The following SOX6 variants were observed in gnomAD, a reference collection of about 807,000 sequenced individuals.
SOX6 encodes transcription factor SOX-6.
SOX6 carries 11 observed loss-of-function variants against 97.8 expected under a neutral mutation model. The ratio of observed to expected loss-of-function variants is 0.11; its 90% CI spans 0.07 to 0.19. SOX6 has a LOEUF of 0.19. Among genes scored for constraint, SOX6 ranks in the 10% least tolerant of loss-of-function variants. The pLI is 1.00. For missense variants in SOX6, 810 were observed against 1,039.5 expected (o/e 0.78, Z 3.04); for synonymous variants, 360 against 371.4 (o/e 0.97, Z 0.35).
At chr11:16,637,672 T>G (rs940849062) in intron 3 of SOX6, among the ~76,000 whole-genome samples, 1 of 152,206 alleles carries the variant, frequency 6.6e-6, no homozygotes. Context: ...TAAGATGCCT[T>G]ATTTCCTTCT....
intron 13 of SOX6, among the ~76,000 whole-genome samples, chr11:15,996,226 AG>A (rs1216289214): frequency 1.3e-5 from 2 of 152,250 alleles, no homozygotes; most frequent in Non-Finnish European, 2.9e-5. Context: ...GGGTATAAAT[AG>A]AATTAGATTG....
intron 9 of SOX6, among the ~76,000 whole-genome samples, chr11:16,070,748 T>C (rs1331251888): frequency 2.6e-5 from 4 of 151,604 alleles, no homozygotes; most frequent in African/African-American, 4.8e-5. Context: ...AGAACTTCTC[T>C]AACATGGGAA....
At chr11:16,136,028 A>T (rs1189570060) in intron 6 of SOX6, among the ~76,000 whole-genome samples, 2 of 150,944 alleles carry the variant, frequency 1.3e-5, no homozygotes, top group African/African-American at 4.9e-5. Flanking sequence ...GATCATTAGC[A>T]TTTTTTTTTG....
intron 12 of SOX6, among the ~76,000 whole-genome samples, chr11:16,039,662 T>C (rs915044328): frequency 2.6e-5 from 4 of 152,038 alleles, no homozygotes; most frequent in Non-Finnish European, 5.9e-5. Flanking sequence ...ATTAAAGAGA[T>C]TCATGAAAAT....
At chr11:16,547,715 T>C (rs999309736) in intron 4 of SOX6, among the ~76,000 whole-genome samples, 2 of 152,134 alleles carry the variant, frequency 1.3e-5, no homozygotes, top group Admixed American at 6.6e-5. Context: ...TAATGTTTGA[T>C]AGCAAAGTAG....
intron 1 of SOX6, among the ~76,000 whole-genome samples, chr11:16,363,005 A>C (rs1440331765): frequency 6.6e-6 from 1 of 152,182 alleles, no homozygotes; most frequent in African/African-American, 2.4e-5. Flanking sequence ...TTCTTCTTTC[A>C]TTAATTCATT....
chr11:16,729,076 C>T (rs895129449), intron 2 of SOX6, among the ~76,000 whole-genome samples: 2 of 152,048 alleles, frequency 1.3e-5, no homozygotes, highest in African/African-American at 4.8e-5. Context: ...AAATATGGGA[C>T]TATGTGAAAA....
intron 4 of SOX6, among the ~76,000 whole-genome samples, chr11:16,537,960 C>A (rs1017513599): frequency 3.9e-5 from 6 of 152,114 alleles, no homozygotes; most frequent in Non-Finnish European, 7.3e-5. Flanking sequence ...CATTCAAATG[C>A]AGGAAATACA....
intron 1 of SOX6, among the ~76,000 whole-genome samples, chr11:16,464,317 T>C (rs1472541020): frequency 6.6e-6 from 1 of 152,110 alleles, no homozygotes; most frequent in Non-Finnish European, 1.5e-5. Context: ...TTAGTTTATA[T>C]AAGAAACCCA....
intron 3 of SOX6, among the ~76,000 whole-genome samples, chr11:16,663,317 G>A (rs1211274434): frequency 6.6e-6 from 1 of 152,018 alleles, no homozygotes; most frequent in Non-Finnish European, 1.5e-5. Context: ...TAATATGTAA[G>A]GCTATATTTT....
chr11:15,997,857 C>A (rs576959542), intron 13 of SOX6, among the ~76,000 whole-genome samples: 6 of 152,146 alleles, frequency 3.9e-5, no homozygotes, highest in East Asian at 1.9e-4. Flanking sequence ...CTGAGGTGGG[C>A]GGATCACGAG....
chr11:16,497,457 G>A (rs1176676249), intron 4 of SOX6, among the ~76,000 whole-genome samples: 3 of 152,154 alleles, frequency 2.0e-5, no homozygotes, highest in Non-Finnish European at 2.9e-5. Flanking sequence ...ACGGAACAAA[G>A]CTGGACAGAG....
chr11:16,092,800 T>C (rs562403602), intron 9 of SOX6, among the ~76,000 whole-genome samples: 27 of 151,648 alleles, frequency 1.8e-4, no homozygotes, highest in Non-Finnish European at 2.8e-4. Flanking sequence ...GGGTCTATCA[T>C]ATTGAAAATA....
chr11:16,673,096 A>G (rs1469091216), intron 3 of SOX6, among the ~76,000 whole-genome samples: 1 of 152,090 alleles, frequency 6.6e-6, no homozygotes, highest in Non-Finnish European at 1.5e-5. Flanking sequence ...AAACAAAACA[A>G]TGGAATACAG....
chr11:16,046,068 C>A (rs1051949080), intron 12 of SOX6, among the ~76,000 whole-genome samples: 1 of 152,104 alleles, frequency 6.6e-6, no homozygotes, highest in African/African-American at 2.4e-5. Context: ...ATGCAATTTG[C>A]AAATTGCTTT....
chr11:16,033,402 G>T (rs886873763), intron 12 of SOX6, among the ~76,000 whole-genome samples: 1 of 152,106 alleles, frequency 6.6e-6, no homozygotes, highest in Non-Finnish European at 1.5e-5. Flanking sequence ...CATTAATTAG[G>T]CTGAGAAGCT....
intron 15 of SOX6, among the ~76,000 whole-genome samples, chr11:15,974,423 G>T (rs1389333569): frequency 8.5e-6 from 1 of 117,258 alleles, no homozygotes; most frequent in African/African-American, 3.4e-5. Flanking sequence ...AAGTTTTAGG[G>T]TACATGTGCA....
intron 15 of SOX6, among the ~76,000 whole-genome samples, chr11:15,982,733 T>C (rs541949779): frequency 6.6e-6 from 1 of 152,242 alleles, no homozygotes; most frequent in South Asian, 2.1e-4. Context: ...AACTACATAG[T>C]GTACTTTAGC....
At chr11:16,565,993 G>A (rs1847869439) in intron 4 of SOX6, among the ~76,000 whole-genome samples, 1 of 151,920 alleles carries the variant, frequency 6.6e-6, no homozygotes, top group South Asian at 2.1e-4. Context: ...CTACTCGAGA[G>A]GCTGAGGCAG....
Sources: allele counts gnomAD v4.1 joint callset (sites outside exome capture counted in the v4.1 genomes callset), GRCh38; gene constraint gnomAD v4.1.1; transcripts MANE v1.5; gene names NCBI Gene and HGNC (gene_info 2026-07-23, HGNC 2026-07-21).